CRISPLD2: variants seen among roughly 807,000 people sequenced by gnomAD.
The protein encoded by CRISPLD2 is cysteine-rich secretory protein LCCL domain-containing 2.
Under a neutral mutation model 71.1 loss-of-function variants are expected in CRISPLD2, and 47 were observed. The ratio of observed to expected loss-of-function variants is 0.66; its 90% CI spans 0.52 to 0.84. The LOEUF (loss-of-function observed/expected upper bound fraction) is 0.84. Among genes scored for constraint, CRISPLD2 ranks in the 40% least tolerant of loss-of-function variants. CRISPLD2 has a pLI of 0.00. For missense variants in CRISPLD2, 830 were observed against 651.1 expected, an observed-to-expected ratio of 1.27 and a Z score of -2.99; for synonymous variants, 317 against 250.1, an observed-to-expected ratio of 1.27 and a Z score of -2.52.
intron 2 of CRISPLD2, among the ~76,000 whole-genome samples, chr16:84,841,030 T>G (rs1297512773): frequency 6.6e-6 from 1 of 152,204 alleles, no homozygotes; most frequent in Non-Finnish European, 1.5e-5. Context: ...ACCTCCGGAC[T>G]AGTGTAGCCA....
At chr16:84,889,585 G>A (rs74250178) in intron 14 of CRISPLD2, among the ~76,000 whole-genome samples, 12 of 149,366 alleles carry the variant, frequency 8.0e-5, no homozygotes, top group Non-Finnish European at 1.3e-4. Flanking sequence ...TTGGGATTAA[G>A]AAAAAAAAAA....
rs1159729643 is a variant in CRISPLD2, at chr16:84,890,966, C to T, written c.1439+1603C>T. Among the ~76,000 whole-genome samples, 80 of 152,110 alleles carry T rather than the reference C, an allele frequency of 5.3e-4. 1 individual carries two copies. The highest frequency in any genetic ancestry group is 4.4e-5 in the Non-Finnish European group (3 of 68,010). Reference sequence around the variant, plus strand: ...ATTTTTAGTAGAGATTGGATCTCGCCCTGTTGGCCAGGCTGGTCTCCAACT... The same window carrying T: ...ATTTTTAGTAGAGATTGGATCTCGCTCTGTTGGCCAGGCTGGTCTCCAACT... On this transcript the variant is annotated intron_variant, in intron 14 of 14. Transcript: ENST00000262424.
At chr16:84,845,185 G>A (rs935738358) in intron 2 of CRISPLD2, among the ~76,000 whole-genome samples, 6 of 152,206 alleles carry the variant, frequency 3.9e-5, no homozygotes, top group African/African-American at 7.2e-5. Context: ...AAATGGCATT[G>A]CTTCTTCAAG....
Position 84,872,494 on chromosome 16 carries a change from C to G in CRISPLD2, c.967C>G (p.Leu323Val), listed in dbSNP as rs762038885. Residue 323 changes from leucine to valine, a missense_variant, in exon 9 of 15, where the codon CTG becomes GTG. Coordinates refer to ENST00000262424, the MANE Select transcript of CRISPLD2 (RefSeq NM_031476.4). ...LNHKAKIFGTLFYESSSSICR... is the reference protein window; with the variant it reads ...LNHKAKIFGTVFYESSSSICR... ...CCACAAGGCGAAGATCTTTGGAACT[C>G]TGTTCTATGAAAGCGTGAGTGTGGC... The G allele has an allele frequency of 8.1e-6, 13 of 1,613,652 alleles. No homozygotes were observed. In the Admixed American group the frequency reaches 2.0e-4, roughly 25 times the overall value.
At chr16:84,888,450 C>T (rs1018089284) in intron 13 of CRISPLD2, among the ~76,000 whole-genome samples, 6 of 152,176 alleles carry the variant, frequency 3.9e-5, no homozygotes, top group Admixed American at 1.3e-4. Flanking sequence ...GTGGGAGGAT[C>T]CCTTGAGCCT....
chr16:84,859,461 G>T (rs923166047), intron 6 of CRISPLD2, among the ~76,000 whole-genome samples: 1 of 152,144 alleles, frequency 6.6e-6, no homozygotes, highest in African/African-American at 2.4e-5. Context: ...AGGTCTCCCC[G>T]GGGAAGTATG....
intron 11 of CRISPLD2, among the ~76,000 whole-genome samples, chr16:84,875,604 T>G (rs2071511558): frequency 6.6e-6 from 1 of 151,834 alleles, no homozygotes; most frequent in Admixed American, 6.6e-5. Flanking sequence ...TCGCCCAGCC[T>G]GGAGTGCAGT....
chr16:84,823,771 G>GA lies in CRISPLD2; in HGVS notation c.-75+3646dup, dbSNP rs1387598222. Among the ~76,000 whole-genome samples the GA allele has an allele frequency of 9.2e-5, 14 of 152,084 alleles. 1 individual carries two copies. In the East Asian group the frequency reaches 1.6e-3, roughly 17 times the overall value. ...AAGACAAAAACCACAGAGTCAGAGG[G>GA]AAAAAAAACGTCCTGATGAGGATTG... On this transcript the variant is annotated intron_variant, in intron 1 of 14. Transcript: ENST00000262424.
chr16:84,895,297 A>T (rs1337822994), intron 14 of CRISPLD2, among the ~76,000 whole-genome samples: 1 of 152,174 alleles, frequency 6.6e-6, no homozygotes, highest in African/African-American at 2.4e-5. Flanking sequence ...AGCAGCACTC[A>T]TGACTTCCTC....
chr16:84,896,008 G>C lies in CRISPLD2; in HGVS notation c.1439+6645G>C, dbSNP rs547502921. Among the ~76,000 whole-genome samples, 9 of 152,122 alleles carry C rather than the reference G, an allele frequency of 5.9e-5. No homozygotes were observed. In the South Asian group the frequency reaches 1.0e-3, roughly 18 times the overall value. On this transcript the variant is annotated intron_variant, in intron 14 of 14. Coordinates refer to ENST00000262424, the MANE Select transcript of CRISPLD2 (RefSeq NM_031476.4). ...AAATTTTCCTGAGGGATCAATAGAG[G>C]GGTGAGACTCTGGGAGAACAAGATT...
At chr16:84,883,464 C>G (rs997106458) in intron 13 of CRISPLD2, among the ~76,000 whole-genome samples, 1 of 152,208 alleles carries the variant, frequency 6.6e-6, no homozygotes, top group Non-Finnish European at 1.5e-5. Context: ...AGCCAGGCAA[C>G]CTTTCCCCTC....
At chr16:84,883,808 G>A (rs781185334) in intron 13 of CRISPLD2, among the ~76,000 whole-genome samples, 1 of 151,642 alleles carries the variant, frequency 6.6e-6, no homozygotes, top group Non-Finnish European at 1.5e-5. Context: ...CATGTGCTGT[G>A]TGCCATCCTG....
chr16:84,909,506 C>A lies in CRISPLD2; in HGVS notation c.*2864C>A, dbSNP rs2071833776. ...AATTTGTGAAATAAAACATTGAAAA[C>A]CATCTTTCAGGCTCTGGACTGTTTT... On this transcript the variant is annotated 3_prime_UTR_variant, in exon 15 of 15. Transcript: ENST00000262424. 1 of 152,576 alleles carries A rather than the reference C, an allele frequency of 6.6e-6. No homozygotes were observed. The allele number at this position is 152,576 out of a possible 1,614,324, so 9.5% of individuals were successfully genotyped here.
intron 2 of CRISPLD2, among the ~76,000 whole-genome samples, chr16:84,840,873 G>C (rs1413442724): frequency 6.6e-6 from 1 of 152,108 alleles, no homozygotes; most frequent in Non-Finnish European, 1.5e-5. Context: ...TGGGTAGGAG[G>C]CTCTGCTTCT....
chr16:84,882,460 G>C (rs2071577449), intron 13 of CRISPLD2, among the ~76,000 whole-genome samples: 2 of 151,550 alleles, frequency 1.3e-5, no homozygotes, highest in Admixed American at 6.6e-5. Context: ...GCCCAGGCTG[G>C]AGTGCAATTG....
At chr16:84,891,215 T>C (rs2071659560) in intron 14 of CRISPLD2, among the ~76,000 whole-genome samples, 1 of 152,214 alleles carries the variant, frequency 6.6e-6, no homozygotes, top group Non-Finnish European at 1.5e-5. Flanking sequence ...GGACGTTCTT[T>C]AGAGAAGGAA....
intron 4 of CRISPLD2, among the ~76,000 whole-genome samples, chr16:84,850,025 C>T (rs939242705): frequency 3.3e-5 from 5 of 151,852 alleles, no homozygotes; most frequent in South Asian, 2.1e-4. Context: ...TGCACTCAAC[C>T]GAGAAAACTT....
Position 84,900,905 on chromosome 16 carries a change from C to G in CRISPLD2, c.1440-5683C>G, listed in dbSNP as rs530081411. Reference sequence around the variant, plus strand: ...CATCTCTAAAAAATACGAAAATTAACCAGGCATGGTGGTATGCACCCGTGG... The same window carrying G: ...CATCTCTAAAAAATACGAAAATTAAGCAGGCATGGTGGTATGCACCCGTGG... On this transcript the variant is annotated intron_variant, in intron 14 of 14. Transcript: ENST00000262424. Among the ~76,000 whole-genome samples, 5 of 151,862 alleles carry G rather than the reference C, an allele frequency of 3.3e-5. No homozygotes were observed. In the South Asian group the frequency reaches 1.0e-3, roughly 32 times the overall value.
chr16:84,893,608 G>T (rs2071681511), intron 14 of CRISPLD2, among the ~76,000 whole-genome samples: 1 of 152,224 alleles, frequency 6.6e-6, no homozygotes, highest in South Asian at 2.1e-4. Flanking sequence ...AAATGACAAT[G>T]CCAGCAGCAG....
Sources: allele counts gnomAD v4.1 joint callset (sites outside exome capture counted in the v4.1 genomes callset), GRCh38; gene constraint gnomAD v4.1.1; transcripts MANE v1.5; gene names NCBI Gene and HGNC (gene_info 2026-07-23, HGNC 2026-07-21).